The following CELF2 variants were observed in gnomAD, a reference collection of about 807,000 sequenced individuals.
The protein encoded by CELF2 is CUG triplet repeat RNA-binding protein 2.
In CELF2, 8 loss-of-function variants were observed where a neutral mutation model predicts 62.6. That is an observed-to-expected ratio of 0.13 (90% confidence interval 0.07 to 0.23). The LOEUF is 0.23. CELF2 is among the 10% of genes least tolerant of loss of function. The pLI is 1.00. For missense variants in CELF2, 333 were observed against 671.0 expected, an observed-to-expected ratio of 0.50 and a Z score of 5.56; for synonymous variants, 258 against 250.0, an observed-to-expected ratio of 1.03 and a Z score of -0.30.
rs531796912 is a variant in CELF2 at position 10,970,109 on chromosome 10, C to G, written c.89+50110C>G. On this transcript the variant is annotated intron_variant, in intron 2 of 13. Coordinates refer to the CELF2 transcript ENST00000636488. ...TTTGAGACAGGGTCTCACTCTGTCACCCAGGCTGGAGTGCAGTGGCGCAAT... is the reference window on the plus strand; with the variant it reads ...TTTGAGACAGGGTCTCACTCTGTCAGCCAGGCTGGAGTGCAGTGGCGCAAT... 3.2e-4 allele frequency among the ~76,000 whole-genome samples: 49 copies of G among 152,238 alleles called. No homozygotes were observed. The East Asian group carries it at 6.0e-3, about 19-fold the overall frequency.
chr10:10,518,509 A>G, the CELF2 span, among the ~76,000 whole-genome samples: 3 of 152,192 alleles, frequency 2.0e-5, no homozygotes, highest in Non-Finnish European at 4.4e-5. Context: ...GATCTTTAGT[A>G]TTATGATTCT....
intron 12 of CELF2, among the ~76,000 whole-genome samples, chr10:11,327,183 TA>T (rs2132643722): frequency 9.8e-6 from 1 of 101,534 alleles, no homozygotes; most frequent in South Asian, 3.6e-4. Context: ...ATATGCAAAT[TA>T]AATCATTATG....
chr10:11,010,008 C>T lies in CELF2; in HGVS notation c.53+4568C>T, dbSNP rs749904258. ...GCCTGGGCACAGTTGTGCCTTTATG[C>T]GGAAATTGATGAGTTGCTTTTCATC... On this transcript the variant is annotated intron_variant, in intron 1 of 12. Transcript: ENST00000416382. The surrounding 1 kb of genome is among the most constrained non-coding windows in gnomAD (Gnocchi z 4.1). Among the ~76,000 whole-genome samples, 1 of 152,302 alleles carries T rather than the reference C, an allele frequency of 6.6e-6. No individual in the cohort carries two copies. The highest frequency in any genetic ancestry group is 2.4e-5 in the African/African-American group (1 of 41,560).
At chr10:10,854,310 C>A (rs946557934) in intron 1 of CELF2, among the ~76,000 whole-genome samples, 2 of 152,062 alleles carry the variant, frequency 1.3e-5, no homozygotes, top group South Asian at 4.2e-4. Flanking sequence ...GTGGTCAGCC[C>A]CAAGCTGTGA....
the CELF2 span, among the ~76,000 whole-genome samples, chr10:10,671,051 C>CA: frequency 6.6e-6 from 1 of 151,618 alleles, no homozygotes; most frequent in African/African-American, 2.4e-5. Context: ...CCTGCAGGCC[C>CA]AGTCACTTGC....
At chr10:10,518,130 C>T in the CELF2 span, among the ~76,000 whole-genome samples, 1 of 152,188 alleles carries the variant, frequency 6.6e-6, no homozygotes, top group Non-Finnish European at 1.5e-5. Flanking sequence ...CAATAACACC[C>T]AGCCCAGCTT....
At chr10:10,630,501 G>A in the CELF2 span, among the ~76,000 whole-genome samples, 6 of 152,106 alleles carry the variant, frequency 3.9e-5, no homozygotes, top group African/African-American at 1.2e-4. Flanking sequence ...AAATCATGAA[G>A]CACCTTTCCT....
chr10:10,600,552 A>G, the CELF2 span, among the ~76,000 whole-genome samples: 36,721 of 152,128 alleles, frequency 0.24, 4,958 homozygotes, highest in South Asian at 0.51. Context: ...GGAAGCATAA[A>G]ATCTGGGTGT....
chr10:11,069,072 G>A (rs2068967927), intron 1 of CELF2, among the ~76,000 whole-genome samples: 1 of 152,186 alleles, frequency 6.6e-6, no homozygotes, highest in South Asian at 2.1e-4. Context: ...TAGAAAAGCA[G>A]TGAGTGATGG....
At chr10:10,522,168 C>A in the CELF2 span, among the ~76,000 whole-genome samples, 1 of 152,188 alleles carries the variant, frequency 6.6e-6, no homozygotes, top group Non-Finnish European at 1.5e-5. Flanking sequence ...GACCCAAGAG[C>A]CCTTCTCCAC....
chr10:10,905,837 C>T (rs2063295639), intron 1 of CELF2, among the ~76,000 whole-genome samples: 1 of 150,182 alleles, frequency 6.7e-6, no homozygotes, highest in Non-Finnish European at 1.5e-5. Flanking sequence ...AAGGTCATGC[C>T]ACTGCACTCC....
At position 11,293,280 on chromosome 10, in the gene CELF2, G is replaced by A. The variant is rs189037357; in HGVS notation, c.976+4728G>A. 2.1e-3 allele frequency among the ~76,000 whole-genome samples: 320 copies of A among 152,284 alleles called. 1 individual carries two copies. Among genetic ancestry groups the A allele is most frequent in the African/African-American group, 7.2e-3 (299 of 41,550 alleles). ...GAATAGTGTGGGTGGGTATAAAAGCGTTTCTAATGCACATTATAAAAAGTA... is the reference window on the plus strand; with the variant it reads ...GAATAGTGTGGGTGGGTATAAAAGCATTTCTAATGCACATTATAAAAAGTA... On this transcript the variant is annotated intron_variant, in intron 9 of 12. Coordinates refer to ENST00000633077, the MANE Select transcript of CELF2 (RefSeq NM_001326342.2).
At chr10:10,524,242 C>A in the CELF2 span, among the ~76,000 whole-genome samples, 9 of 152,076 alleles carry the variant, frequency 5.9e-5, no homozygotes, top group Middle Eastern at 3.2e-3. Flanking sequence ...GAGACATTTT[C>A]TCTTGAAGTA....
At position 10,983,936 on chromosome 10, in the gene CELF2, T is replaced by C. The variant is rs183160793; in HGVS notation, c.89+63937T>C. Among the ~76,000 whole-genome samples, 259 of 152,330 alleles carry C rather than the reference T, an allele frequency of 1.7e-3. No homozygotes were observed. Among genetic ancestry groups the C allele is most frequent in the African/African-American group, 6.0e-3 (250 of 41,580 alleles). ...TTAAAAGACAGCATTGCAATTTGCA[T>C]GTAACCTCTGAGTCAACTACTGAAC... On this transcript the variant is annotated intron_variant, in intron 2 of 13. Transcript: ENST00000636488. The surrounding 1 kb of genome is among the most constrained non-coding windows in gnomAD (Gnocchi z 5.2).
upstream of CELF2, among the ~76,000 whole-genome samples, chr10:11,015,892 GT>G (rs2057187640): frequency 6.6e-6 from 1 of 152,086 alleles, no homozygotes; most frequent in Admixed American, 6.6e-5. The surrounding 1 kb of genome is among the most constrained non-coding windows in gnomAD (Gnocchi z 4.8). Flanking sequence ...TTTCAGAAGC[GT>G]ACATGTTAAT....
intron 2 of CELF2, among the ~76,000 whole-genome samples, chr10:11,200,320 C>T (rs1029499579): frequency 9.2e-5 from 14 of 152,100 alleles, no homozygotes; most frequent in Middle Eastern, 3.2e-3. Context: ...TCTTTGTTCC[C>T]GTACCAAAAT....
At chr10:11,085,810 C>T (rs982676835) in intron 1 of CELF2, among the ~76,000 whole-genome samples, 5 of 152,118 alleles carry the variant, frequency 3.3e-5, no homozygotes, top group African/African-American at 1.2e-4. Flanking sequence ...CAGACTGCAC[C>T]ACCATTTGAA....
At chr10:10,468,397 G>A in the CELF2 span, among the ~76,000 whole-genome samples, 3 of 151,860 alleles carry the variant, frequency 2.0e-5, no homozygotes, top group Non-Finnish European at 4.4e-5. Flanking sequence ...TTGTCTTCAC[G>A]ATCATACTGG....
the CELF2 span, among the ~76,000 whole-genome samples, chr10:10,659,183 G>A: frequency 6.6e-6 from 1 of 152,066 alleles, no homozygotes; most frequent in Non-Finnish European, 1.5e-5. Flanking sequence ...CGTTTTTCTT[G>A]ATCCGACTAA....
Sources: gnomAD v4.1 joint callset for allele counts (sites outside exome capture counted in the v4.1 genomes callset) on GRCh38, gnomAD v4.1.1 for gene constraint, Gnocchi (gnomAD v3.1) non-coding constraint, MANE v1.5 for transcripts, NCBI Gene and HGNC (gene_info 2026-07-23, HGNC 2026-07-21) for gene names.